LRRIQ1: variants seen among roughly 807,000 people sequenced by gnomAD.
The protein encoded by LRRIQ1 is leucine rich repeats and IQ motif containing 1.
LRRIQ1 carries 210 observed loss-of-function variants against 211.9 expected under a neutral mutation model. The observed-to-expected ratio is 0.99, with a 90% CI of 0.89 to 1.11. The LOEUF (loss-of-function observed/expected upper bound fraction) is 1.11, where lower values mean the gene tolerates loss of function less well. Ranked by LOEUF, LRRIQ1 falls within the 50% of genes most tolerant of loss-of-function variation. The pLI, the probability that LRRIQ1 is intolerant of heterozygous loss-of-function variation, is 0.00. For missense variants in LRRIQ1, 2,136 were observed against 1,939.5 expected (o/e 1.10, Z -1.90); for synonymous variants, 699 against 650.1 (o/e 1.08, Z -1.14).
chr12:85,076,468 C>A, intron 11 of LRRIQ1: 1 of 196,798 alleles, frequency 5.1e-6, no homozygotes, highest in Non-Finnish European at 9.2e-6. Context: ...AATATATTTG[C>A]CAATTTATAA....
chr12:85,070,922 A>G (rs1883013627), intron 10 of LRRIQ1, among the ~76,000 whole-genome samples: 2 of 152,098 alleles, frequency 1.3e-5, no homozygotes, highest in African/African-American at 4.8e-5. Context: ...TTGTCCTTGC[A>G]CTATCCCAAA....
intron 11 of LRRIQ1, among the ~76,000 whole-genome samples, chr12:85,089,925 A>C (rs970237814): frequency 6.6e-6 from 1 of 152,226 alleles, no homozygotes; most frequent in East Asian, 1.9e-4. Flanking sequence ...ACAATAAGGA[A>C]AAAGCTACGA....
In LRRIQ1 at chr12:85,252,451, T is replaced by C. The variant is rs570234846; in HGVS notation, c.121+7542T>C. On this transcript the variant is annotated intron_variant, in intron 1 of 1. Coordinates refer to the LRRIQ1 transcript ENST00000602731. ...AACAGATACAATGTAATTTAATAAT[T>C]AGATTATTTTGAAGGTGGTTATTAA... 1.1e-3 allele frequency among the ~76,000 whole-genome samples: 170 copies of C among 151,980 alleles called. 2 individuals are homozygous for C. The highest frequency in any genetic ancestry group is 3.9e-3 in the African/African-American group (161 of 41,536).
At position 85,047,390 on chromosome 12, in the gene LRRIQ1, T is replaced by C; in HGVS notation, c.598T>C (p.Phe200Leu). The change falls in exon 6 of 27, where the codon TTT (phenylalanine) becomes CTT (leucine). Residue 200 changes from phenylalanine to leucine, a missense_variant. By Grantham distance (22) the Phe-to-Leu change is conservative. Transcript: ENST00000393217. The stretch of plus-strand genomic sequence containing the variant: ...TCAGAGGGATAGAGAAGAAAAACAA[T>C]TTCAAGAAGAAGAAGAAAAGCGACA... ...KAQRDREEKQ[F>L]QEEEEKRHCW... is the part of the protein sequence containing the mutation. 1 of 1,611,702 alleles carries C rather than the reference T, an allele frequency of 6.2e-7. No individual in the cohort carries two copies. Among genetic ancestry groups the C allele is most frequent in the Non-Finnish European group, 8.5e-7 (1 of 1,178,174 alleles).
At chr12:85,050,458 G>C (rs1565786749) in intron 6 of LRRIQ1, among the ~76,000 whole-genome samples, 1 of 152,124 alleles carries the variant, frequency 6.6e-6, no homozygotes, top group African/African-American at 2.4e-5. Context: ...AAAACTGAAT[G>C]CATTGTCTTT....
chr12:85,224,348 C>T (rs1278623143), intron 24 of LRRIQ1, among the ~76,000 whole-genome samples: 1 of 150,384 alleles, frequency 6.6e-6, no homozygotes, highest in African/African-American at 2.4e-5. Flanking sequence ...CAATCTAGAA[C>T]CAGAAATACC....
At chr12:85,216,881 T>C (rs79593482) in intron 24 of LRRIQ1, among the ~76,000 whole-genome samples, 3,257 of 152,016 alleles carry the variant, frequency 0.021, 114 homozygotes, top group African/African-American at 0.075. Flanking sequence ...GATAAAACTT[T>C]GGCATTAATA....
chr12:85,083,796 A>T (rs1479299235), intron 11 of LRRIQ1, among the ~76,000 whole-genome samples: 1 of 152,204 alleles, frequency 6.6e-6, no homozygotes, highest in Non-Finnish European at 1.5e-5. Context: ...ATACTGTAAA[A>T]TGATAAAGCA....
At chr12:85,108,258 G>A (rs924789381) in intron 15 of LRRIQ1, among the ~76,000 whole-genome samples, 3 of 152,190 alleles carry the variant, frequency 2.0e-5, no homozygotes, top group African/African-American at 4.8e-5. Flanking sequence ...CAAAGAAATC[G>A]TTGGAGTAAT....
intron 24 of LRRIQ1, among the ~76,000 whole-genome samples, chr12:85,169,651 A>C (rs144568080): frequency 3.4e-4 from 52 of 152,282 alleles, no homozygotes; most frequent in Non-Finnish European, 4.3e-4. Flanking sequence ...ACATTTATCC[A>C]GTGTGAGAAC....
intron 24 of LRRIQ1, among the ~76,000 whole-genome samples, chr12:85,227,239 G>A (rs1415766827): frequency 2.0e-5 from 3 of 152,036 alleles, no homozygotes; most frequent in Non-Finnish European, 4.4e-5. Context: ...CATTCTAACT[G>A]GTGTGAGATG....
chr12:85,272,541 T>G, the LRRIQ1 span, among the ~76,000 whole-genome samples: 1 of 152,080 alleles, frequency 6.6e-6, no homozygotes, highest in Admixed American at 6.5e-5. Context: ...AAAAAGTGTT[T>G]GAAACCTCAC....
chr12:85,224,400 AT>A (rs1330928517), intron 24 of LRRIQ1, among the ~76,000 whole-genome samples: 1 of 152,176 alleles, frequency 6.6e-6, no homozygotes, highest in Non-Finnish European at 1.5e-5. Context: ...TACCCAAAGG[AT>A]TACACATCAT....
At chr12:85,197,854 A>G (rs1295098102) in intron 24 of LRRIQ1, among the ~76,000 whole-genome samples, 1 of 135,880 alleles carries the variant, frequency 7.4e-6, no homozygotes, top group Admixed American at 8.3e-5. Context: ...TATTTATTAT[A>G]AATATAATAA....
At chr12:85,230,406 C>T (rs1714747155) in intron 25 of LRRIQ1, among the ~76,000 whole-genome samples, 3 of 152,160 alleles carry the variant, frequency 2.0e-5, no homozygotes, top group South Asian at 2.1e-4. Flanking sequence ...TTGCTGTATC[C>T]TCACAAGGAT....
At chr12:85,234,439 A>G (rs1000081142) in intron 26 of LRRIQ1, among the ~76,000 whole-genome samples, 1 of 152,186 alleles carries the variant, frequency 6.6e-6, no homozygotes, top group Non-Finnish European at 1.5e-5. Flanking sequence ...GAAGAGCTAG[A>G]TACAACTGAA....
intron 25 of LRRIQ1, among the ~76,000 whole-genome samples, chr12:85,231,932 A>G (rs984532441): frequency 5.3e-5 from 8 of 152,194 alleles, no homozygotes; most frequent in Non-Finnish European, 7.3e-5. Context: ...CCTTAGAACT[A>G]TAAACCAACG....
At position 85,192,146 on chromosome 12, in the gene LRRIQ1, T is replaced by A. The variant is rs180746378; in HGVS notation, c.4822+31432T>A. Among the ~76,000 whole-genome samples, 9 of 151,620 alleles carry A rather than the reference T, an allele frequency of 5.9e-5. No homozygotes were observed. In the East Asian group the frequency reaches 1.7e-3, roughly 29 times the overall value. The stretch of plus-strand genomic sequence containing the variant: ...GATAAGTATTACAGCTTTTCAGTCC[T>A]TATCCATCTCCTGTCCTTCACCCTC... On this transcript the variant is annotated intron_variant, in intron 24 of 26. Transcript: ENST00000393217.
intron 24 of LRRIQ1, among the ~76,000 whole-genome samples, chr12:85,193,219 G>A (rs1892698845): frequency 7.8e-6 from 1 of 128,556 alleles, no homozygotes; most frequent in Admixed American, 9.8e-5. Flanking sequence ...AAGTGATGGG[G>A]AGAATGGAAC....
Sources: allele counts gnomAD v4.1 joint callset (sites outside exome capture counted in the v4.1 genomes callset), GRCh38; gene constraint gnomAD v4.1.1; transcripts MANE v1.5; gene names NCBI Gene and HGNC (gene_info 2026-07-23, HGNC 2026-07-21).